The following SYN3 variants were observed in gnomAD, a reference collection of about 807,000 sequenced individuals.
SYN3 encodes synapsin-3.
Under a neutral mutation model 65.8 loss-of-function variants are expected in SYN3, and 35 were observed. The observed-to-expected ratio is 0.53, with a 90% CI of 0.41 to 0.70. The LOEUF (loss-of-function observed/expected upper bound fraction) is 0.70. Among genes scored for constraint, SYN3 ranks in the 30% least tolerant of loss-of-function variants. The pLI is 0.00. For synonymous variants in SYN3, 270 were observed against 292.9 expected, an observed-to-expected ratio of 0.92 and a Z score of 0.80; for missense variants, 680 against 749.0, an observed-to-expected ratio of 0.91 and a Z score of 1.08.
chr22:32,562,590 C>T (rs924194459), intron 7 of SYN3, among the ~76,000 whole-genome samples: 8 of 152,208 alleles, frequency 5.3e-5, no homozygotes, highest in Non-Finnish European at 7.3e-5. Flanking sequence ...TGGACTTGAC[C>T]GGCTCTGCCC....
At chr22:32,716,536 T>G (rs2147270410) in intron 6 of SYN3, among the ~76,000 whole-genome samples, 1 of 152,162 alleles carries the variant, frequency 6.6e-6, no homozygotes, top group East Asian at 1.9e-4. Flanking sequence ...CTGTTATTTT[T>G]GTTTGTTTTT....
chr22:32,700,723 G>A (rs2060800082), intron 6 of SYN3, among the ~76,000 whole-genome samples: 1 of 152,150 alleles, frequency 6.6e-6, no homozygotes, highest in African/African-American at 2.4e-5. Context: ...CTTCTAGGCT[G>A]TAAATGAAAA....
chr22:32,720,452 G>T (rs890795993), intron 6 of SYN3, among the ~76,000 whole-genome samples: 15 of 152,342 alleles, frequency 9.8e-5, no homozygotes, highest in African/African-American at 3.6e-4. Flanking sequence ...ACTTGCCCAT[G>T]TGAGAAGTAT....
chr22:32,699,524 G>A (rs2060783032), intron 6 of SYN3, among the ~76,000 whole-genome samples: 1 of 152,144 alleles, frequency 6.6e-6, no homozygotes, highest in Non-Finnish European at 1.5e-5. Context: ...TTAGGGTGGT[G>A]TGTGTGCAGG....
At chr22:32,613,329 AG>A (rs2059472595) in intron 6 of SYN3, among the ~76,000 whole-genome samples, 1 of 152,194 alleles carries the variant, frequency 6.6e-6, no homozygotes, top group Non-Finnish European at 1.5e-5. Flanking sequence ...ATATTGGTAC[AG>A]GGTACCAGCA....
At chr22:33,010,750 T>G (rs2053328882) in intron 1 of SYN3, among the ~76,000 whole-genome samples, 2 of 152,228 alleles carry the variant, frequency 1.3e-5, no homozygotes, top group South Asian at 4.1e-4. Flanking sequence ...TGAACAATAT[T>G]GGGTTCTCTA....
At chr22:32,620,772 T>C (rs1279305373) in intron 6 of SYN3, among the ~76,000 whole-genome samples, 1 of 151,636 alleles carries the variant, frequency 6.6e-6, no homozygotes, top group Admixed American at 6.6e-5. Context: ...CAGGATGGAG[T>C]GCAATGGCAC....
At chr22:32,572,427 CTT>C in intron 7 of SYN3, among the ~76,000 whole-genome samples, 1 of 115,726 alleles carries the variant, frequency 8.6e-6, no homozygotes. Context: ...TTCCTTCTTC[CTT>C]CCTTCCTTCC....
intron 6 of SYN3, among the ~76,000 whole-genome samples, chr22:32,675,368 G>C (rs2060425502): frequency 6.6e-6 from 1 of 152,164 alleles, no homozygotes; most frequent in Non-Finnish European, 1.5e-5. Flanking sequence ...ATCTGAGAAG[G>C]GAGAGCCAGG....
At chr22:32,952,417 A>T (rs1218721832) in intron 3 of SYN3, among the ~76,000 whole-genome samples, 1 of 152,202 alleles carries the variant, frequency 6.6e-6, no homozygotes, top group African/African-American at 2.4e-5. Flanking sequence ...CTAAATGTTC[A>T]TGTATTAGAA....
rs74528026 is a variant in SYN3, at chr22:32,642,150, C to T, written c.712-45414G>A. Among the ~76,000 whole-genome samples the T allele has an allele frequency of 1.5e-3, 222 of 151,800 alleles. 2 individuals are homozygous for T. In the East Asian group the frequency reaches 0.037, roughly 25 times the overall value. ...ACTAAAAATACAAAAATTAGCCAGGCGTGGTGCAAGCGCCTGTAATCCCAG... is the reference window on the plus strand; with the variant it reads ...ACTAAAAATACAAAAATTAGCCAGGTGTGGTGCAAGCGCCTGTAATCCCAG... On this transcript the variant is annotated intron_variant, in intron 6 of 13. Transcript: ENST00000358763.
At position 32,976,481 on chromosome 22, in the gene SYN3, G is replaced by A. The variant is rs73162031; in HGVS notation, c.369+4164C>T. On this transcript the variant is annotated intron_variant, in intron 3 of 13. Coordinates refer to ENST00000358763, the MANE Select transcript of SYN3 (RefSeq NM_003490.4). ...TAGTCCACTGATGTCCCAGAACTGTGAGTCTACTTAATATTAATCCATTCA... is the reference window on the plus strand; with the variant it reads ...TAGTCCACTGATGTCCCAGAACTGTAAGTCTACTTAATATTAATCCATTCA... Among the ~76,000 whole-genome samples the A allele has an allele frequency of 7.0e-3, 1,069 of 152,298 alleles. 9 individuals are homozygous for A. Among genetic ancestry groups the A allele is most frequent in the South Asian group, 0.035 (169 of 4,830 alleles).
intron 2 of SYN3, among the ~76,000 whole-genome samples, chr22:33,002,110 A>G (rs2053076392): frequency 1.3e-5 from 2 of 152,224 alleles, no homozygotes. Context: ...CTAAGCTCAG[A>G]GCCTAATAGT....
intron 6 of SYN3, among the ~76,000 whole-genome samples, chr22:32,738,087 A>G (rs1055452851): frequency 3.3e-5 from 5 of 152,138 alleles, no homozygotes; most frequent in African/African-American, 1.2e-4. Context: ...CACAGCTACC[A>G]CCACTTGTTT....
At chr22:32,826,954 C>T (rs1234382005) in intron 6 of SYN3, among the ~76,000 whole-genome samples, 1 of 152,160 alleles carries the variant, frequency 6.6e-6, no homozygotes, top group East Asian at 1.9e-4. Context: ...TCCAAGCCTC[C>T]AGCTCCAAAC....
intron 6 of SYN3, among the ~76,000 whole-genome samples, chr22:32,840,911 T>C (rs1238179126): frequency 6.6e-6 from 1 of 152,220 alleles, no homozygotes; most frequent in African/African-American, 2.4e-5. Flanking sequence ...GAGCCTTATG[T>C]ATCTCTCTAT....
At chr22:33,011,313 T>G (rs115729166) in intron 1 of SYN3, among the ~76,000 whole-genome samples, 3 of 152,204 alleles carry the variant, frequency 2.0e-5, no homozygotes, top group Admixed American at 2.0e-4. Flanking sequence ...ATTTACTAAA[T>G]CTATTGAGAG....
rs115501441 is a variant in SYN3 at position 32,615,685 on chromosome 22, C to T, written c.712-18949G>A. Among the ~76,000 whole-genome samples, 371 of 152,262 alleles carry T rather than the reference C, an allele frequency of 2.4e-3. 2 individuals are homozygous for T. The highest frequency in any genetic ancestry group is 8.4e-3 in the African/African-American group (350 of 41,546). On this transcript the variant is annotated intron_variant, in intron 6 of 13. Transcript: ENST00000358763. ...TTGTTCTAAGAGGCTGGCCATGAAG[C>T]AGTTTTAAACCCACCCTAGTGTGTG...
intron 6 of SYN3, among the ~76,000 whole-genome samples, chr22:32,785,416 A>G (rs1284999572): frequency 6.6e-6 from 1 of 152,078 alleles, no homozygotes; most frequent in East Asian, 1.9e-4. Flanking sequence ...GGCCAAAGGG[A>G]TCCCCTTCTC....
Sources: allele counts gnomAD v4.1 joint callset (sites outside exome capture counted in the v4.1 genomes callset), GRCh38; gene constraint gnomAD v4.1.1; transcripts MANE v1.5; gene names NCBI Gene and HGNC (gene_info 2026-07-23, HGNC 2026-07-21).